The following RANBP10 variants were observed in gnomAD, a reference collection of about 807,000 sequenced individuals.
The protein encoded by RANBP10 is RAN binding protein 10.
RANBP10 carries 24 observed loss-of-function variants against 72.8 expected under a neutral mutation model. That is an observed-to-expected ratio of 0.33 (90% confidence interval 0.24 to 0.46). RANBP10 has a LOEUF of 0.46. Ranked by LOEUF, RANBP10 falls within the 20% of genes least tolerant of loss-of-function variation. The pLI is 1.00. For synonymous variants in RANBP10, 310 were observed against 322.3 expected (o/e 0.96, Z 0.41); for missense variants, 679 against 817.5 (o/e 0.83, Z 2.07).
At chr16:67,769,443 C>CAA (rs768960411) in intron 3 of RANBP10, among the ~76,000 whole-genome samples, 708 of 30,308 alleles carry the variant, frequency 0.023, 87 homozygotes, top group Non-Finnish European at 0.032. Flanking sequence ...GACCCTGTCT[C>CAA]AAAAAAAAAA....
chr16:67,795,872 CA>C (rs1226342767), intron 2 of RANBP10, among the ~76,000 whole-genome samples: 1 of 150,758 alleles, frequency 6.6e-6, no homozygotes, highest in Non-Finnish European at 1.5e-5. Context: ...AACAAACAAA[CA>C]AACAAACAAA....
chr16:67,772,090 C>T lies in RANBP10; in HGVS notation c.348-4G>A. 2.3e-6 allele frequency: 3 copies of T among 1,312,736 alleles called. No individual in the cohort carries two copies. The highest frequency in any genetic ancestry group is 2.9e-6 in the Non-Finnish European group (3 of 1,021,522). The allele number at this position is 1,312,736 out of a possible 1,614,324, so 81.3% of individuals were successfully genotyped here. A position where few individuals can be genotyped will look rare whatever the true frequency, so the allele number is the denominator to read the frequency against. On this transcript the variant is annotated splice_polypyrimidine_tract_variant and splice_region_variant and intron_variant, in intron 2 of 13. Transcript: ENST00000317506. The stretch of plus-strand genomic sequence containing the variant: ...CGAGAGTCCTATTCCCATGTAACTT[C>T]AAAAAAAAAAAAAAAAAAAACACAA...
intron 3 of RANBP10, among the ~76,000 whole-genome samples, chr16:67,769,331 C>T (rs886112519): frequency 2.7e-5 from 4 of 150,926 alleles, no homozygotes; most frequent in Non-Finnish European, 5.9e-5. Flanking sequence ...ATAGTCCCAG[C>T]TACTTAGGAG....
rs2054301820 is a variant in RANBP10 at position 67,757,206 on chromosome 16, A to G, written c.401-12751T>C. ...CTCACCAGGGAGATTCCCTTTCCTCACCATCTTAAACCCTGGCTCTGCAGT... is the reference window on the plus strand; with the variant it reads ...CTCACCAGGGAGATTCCCTTTCCTCGCCATCTTAAACCCTGGCTCTGCAGT... On this transcript the variant is annotated intron_variant, in intron 3 of 13. Coordinates refer to ENST00000317506, the MANE Select transcript of RANBP10 (RefSeq NM_020850.3). Among the ~76,000 whole-genome samples, 3 of 152,258 alleles carry G rather than the reference A, an allele frequency of 2.0e-5. 1 individual carries two copies. The South Asian group carries it at 6.2e-4, about 32-fold the overall frequency.
In RANBP10 at chr16:67,744,329, A is replaced by G. The variant is rs1348533642; in HGVS notation, c.527T>C (p.Ile176Thr). The G allele has an allele frequency of 2.5e-6, 4 of 1,614,166 alleles. No homozygotes were observed. In the South Asian group the frequency reaches 4.4e-5, roughly 18 times the overall value. ...CTTGGTGTAGAAGCAGGTGCCATTGATGAGGTTGACACAGCAGCCGATCAC... is the reference window on the plus strand; with the variant it reads ...CTTGGTGTAGAAGCAGGTGCCATTGGTGAGGTTGACACAGCAGCCGATCAC... Reference protein sequence around the residue: ...GDVIGCCVNLINGTCFYTKNG... With the variant: ...GDVIGCCVNLTNGTCFYTKNG... Residue 176 changes from isoleucine to threonine, a missense_variant, in exon 4 of 14, where the codon ATC (isoleucine) becomes ACC (threonine). Ile to Thr is a moderately conservative substitution (Grantham distance 89, BLOSUM62 -1). Coordinates refer to ENST00000317506, the MANE Select transcript of RANBP10 (RefSeq NM_020850.3).
At chr16:67,782,521 G>A (rs1442910729) in intron 2 of RANBP10, among the ~76,000 whole-genome samples, 1 of 147,764 alleles carries the variant, frequency 6.8e-6, no homozygotes, top group Non-Finnish European at 1.5e-5. Flanking sequence ...CCGCGATCTT[G>A]GCTCACTGCA....
intron 6 of RANBP10, among the ~76,000 whole-genome samples, chr16:67,734,319 T>C (rs1430458027): frequency 6.6e-6 from 1 of 152,180 alleles, no homozygotes; most frequent in Non-Finnish European, 1.5e-5. Context: ...AAAGCTGGCC[T>C]CCCTTGGGAG....
chr16:67,751,832 C>T (rs2054202557), intron 3 of RANBP10, among the ~76,000 whole-genome samples: 1 of 152,004 alleles, frequency 6.6e-6, no homozygotes, highest in African/African-American at 2.4e-5. Context: ...AGGAGAATCG[C>T]TTGAACCTGG....
At position 67,729,784 on chromosome 16, in the gene RANBP10, A is replaced by G; in HGVS notation, c.1043T>C (p.Val348Ala). ...GGGGCTTCGGGAGCTCAAACTTCGGACCTCACTGTCCGTCCCATTCACCAT... is the reference window on the plus strand; with the variant it reads ...GGGGCTTCGGGAGCTCAAACTTCGGGCCTCACTGTCCGTCCCATTCACCAT... ...VEMVNGTDSE[V>A]RSLSSRSPKS... Residue 348 changes from valine (V) to alanine (A), a missense_variant, in exon 9 of 14, where the codon GTC becomes GCC. Val to Ala is a moderately conservative substitution (Grantham distance 64). Transcript: ENST00000317506. The surrounding 1 kb of genome is among the most constrained non-coding windows in gnomAD (Gnocchi z 7.1). 6.2e-7 allele frequency: 1 copy of G among 1,613,784 alleles called. No homozygotes were observed. The highest frequency in any genetic ancestry group is 8.5e-7 in the Non-Finnish European group (1 of 1,179,958).
chr16:67,734,468 T>C (rs1002300849), intron 6 of RANBP10, among the ~76,000 whole-genome samples: 9 of 152,178 alleles, frequency 5.9e-5, no homozygotes, highest in Non-Finnish European at 8.8e-5. Context: ...CCCTGTGAGG[T>C]GGCCTCAGGC....
At chr16:67,732,975 A>G (rs1045281278) in intron 6 of RANBP10, among the ~76,000 whole-genome samples, 2 of 145,784 alleles carry the variant, frequency 1.4e-5, no homozygotes, top group African/African-American at 5.2e-5. Flanking sequence ...AATGGCTTGA[A>G]CCCAGGAGGC....
At chr16:67,733,053 CAAAAAAAA>C (rs770521202) in intron 6 of RANBP10, among the ~76,000 whole-genome samples, 20 of 43,804 alleles carry the variant, frequency 4.6e-4, no homozygotes, top group Middle Eastern at 9.6e-3. Flanking sequence ...GACTCCATCT[CAAAAAAAA>C]AAAAAAAAAA....
chr16:67,761,942 C>A (rs1340001796), intron 3 of RANBP10, among the ~76,000 whole-genome samples: 1 of 151,986 alleles, frequency 6.6e-6, no homozygotes, highest in Non-Finnish European at 1.5e-5. Flanking sequence ...AAAAAACACA[C>A]ACCTTTTCCC....
At chr16:67,747,454 T>A (rs1231317153) in intron 3 of RANBP10, among the ~76,000 whole-genome samples, 1 of 152,206 alleles carries the variant, frequency 6.6e-6, no homozygotes, top group African/African-American at 2.4e-5. Context: ...TCCTTTTATG[T>A]TTTGTGAGTA....
intron 3 of RANBP10, among the ~76,000 whole-genome samples, chr16:67,765,778 G>A (rs533739472): frequency 3.9e-5 from 6 of 152,198 alleles, no homozygotes; most frequent in Admixed American, 2.0e-4. Context: ...GGAGCTTGCA[G>A]TGAGCCGAGA....
At chr16:67,750,187 A>G (rs560655483) in intron 3 of RANBP10, among the ~76,000 whole-genome samples, 1 of 152,304 alleles carries the variant, frequency 6.6e-6, no homozygotes, top group South Asian at 2.1e-4. Flanking sequence ...TCCACTGCTT[A>G]TGTGGCCATG....
chr16:67,781,713 T>C (rs1233564092), intron 2 of RANBP10, among the ~76,000 whole-genome samples: 1 of 152,152 alleles, frequency 6.6e-6, no homozygotes, highest in African/African-American at 2.4e-5. Context: ...GTTCCTACCG[T>C]TGCCTGCCAA....
At chr16:67,737,448 C>T (rs2053875690) in intron 5 of RANBP10, among the ~76,000 whole-genome samples, 1 of 151,874 alleles carries the variant, frequency 6.6e-6, no homozygotes, top group Admixed American at 6.6e-5. Context: ...GTGATTTGCC[C>T]ACCTCGGCCT....
intron 4 of RANBP10, among the ~76,000 whole-genome samples, chr16:67,740,914 C>T (rs1217250108): frequency 6.6e-6 from 1 of 152,108 alleles, no homozygotes; most frequent in Non-Finnish European, 1.5e-5. Context: ...CAGGAGAAGA[C>T]CCCAATGTCC....
Sources: allele counts gnomAD v4.1 joint callset (sites outside exome capture counted in the v4.1 genomes callset), GRCh38; gene constraint gnomAD v4.1.1; non-coding constraint Gnocchi (gnomAD v3.1); transcripts MANE v1.5; gene names NCBI Gene and HGNC (gene_info 2026-07-23, HGNC 2026-07-21).